NPHP4: variants seen among roughly 807,000 people sequenced by gnomAD.
The protein encoded by NPHP4 is nephrocystin 4, also known as nephrocystin-4.
A neutral mutation model predicts 155.8 loss-of-function variants in NPHP4; 151 were observed. That is an observed-to-expected ratio of 0.97 (90% CI 0.85 to 1.11). NPHP4 has a LOEUF of 1.11. Ranked by LOEUF, NPHP4 falls within the 50% of genes least tolerant of loss-of-function variation. The probability of loss-of-function intolerance (pLI) is 0.00; values close to 1 mark genes in which losing one functional copy is unlikely to be tolerated. For missense variants in NPHP4, 1,956 were observed against 1,925.7 expected (o/e 1.02, Z -0.29); for synonymous variants, 845 against 816.8 (o/e 1.03, Z -0.59).
In NPHP4 at chr1:5,890,799, G is replaced by T; in HGVS notation, c.2304+69C>A. On this transcript the variant is annotated intron_variant, in intron 17 of 29. Coordinates refer to ENST00000378156, the MANE Select transcript of NPHP4 (RefSeq NM_015102.5). This position sits in a 1 kb window ranked among gnomAD's most constrained non-coding sequence, Gnocchi z 4.9. ...GCCCGCTCCTTCCAAGCAGACAGAC[G>T]CTGGAAGCGTGACTCGTCCCATGAG... The T allele has an allele frequency of 2.0e-6, 3 of 1,485,306 alleles. No homozygotes were observed. Among genetic ancestry groups the T allele is most frequent in the Non-Finnish European group, 2.8e-6 (3 of 1,083,142 alleles). 92.0% of individuals were successfully genotyped at this position (1,485,306 alleles called of 1,614,324 possible).
intron 5 of NPHP4, among the ~76,000 whole-genome samples, chr1:5,964,206 G>A (rs554948689): frequency 6.6e-6 from 1 of 152,242 alleles, no homozygotes; most frequent in East Asian, 1.9e-4. Flanking sequence ...CTGGACAAGC[G>A]CATTAGCTTC....
At chr1:5,939,900 C>T (rs1302637519) in intron 9 of NPHP4, among the ~76,000 whole-genome samples, 5 of 152,118 alleles carry the variant, frequency 3.3e-5, no homozygotes, top group Admixed American at 3.3e-4. Flanking sequence ...AGTTGACAGT[C>T]ACACCCCCAC....
At position 5,873,394 on chromosome 1, in the gene NPHP4, C is replaced by T. The variant is rs527295909; in HGVS notation, c.3232-59G>A. On this transcript the variant is annotated intron_variant, in intron 22 of 29. Coordinates refer to ENST00000378156, the MANE Select transcript of NPHP4 (RefSeq NM_015102.5). ...AGCAACACCATTAGGCGACCAGCACCTGTGCTTAGAGACACCACTGCCACC... is the reference window on the plus strand; with the variant it reads ...AGCAACACCATTAGGCGACCAGCACTTGTGCTTAGAGACACCACTGCCACC... The T allele has an allele frequency of 3.5e-6, 5 of 1,409,094 alleles. No individual in the cohort carries two copies. In the South Asian group the frequency reaches 5.8e-5, roughly 16 times the overall value. 87.3% of individuals were successfully genotyped at this position (1,409,094 alleles called of 1,614,324 possible).
Position 5,887,377 on chromosome 1 carries a change from C to T in NPHP4, c.2394G>A (p.Val798=), listed in dbSNP as rs1194473182. 1 of 1,613,468 alleles carries T rather than the reference C, an allele frequency of 6.2e-7. No individual in the cohort carries two copies. Among genetic ancestry groups the T allele is most frequent in the African/African-American group, 1.3e-5 (1 of 74,948 alleles). The part of the protein sequence containing the change: ...ATEYEQDNMV[V]SGDMLGFGRV... ...GGCCAAACCCCAGCATGTCTCCACT[C>T]ACCACCATGTTGTCCTGCTCGTATT... Residue 798 remains valine, a synonymous_variant, in exon 18 of 30, where the codon GTG becomes GTA. Transcript: ENST00000378156.
intron 3 of NPHP4, among the ~76,000 whole-genome samples, chr1:5,972,813 G>T (rs2102298688): frequency 6.6e-6 from 1 of 152,168 alleles, no homozygotes; most frequent in African/African-American, 2.4e-5. Context: ...CTTTAGTGGT[G>T]ATCTGTGAGA....
intron 5 of NPHP4, among the ~76,000 whole-genome samples, chr1:5,963,255 C>T (rs577780435): frequency 6.6e-6 from 1 of 152,062 alleles, no homozygotes; most frequent in Admixed American, 6.5e-5. Context: ...ATTACCCAGG[C>T]GTGGTGGTGC....
rs1418362362 is a variant in NPHP4, at chr1:5,952,962, C to T, written c.674-126G>A. On this transcript the variant is annotated intron_variant, in intron 6 of 29. Transcript: ENST00000378156. ...AGCAACGAAGGGTGCTCGGGACTCC[C>T]AGACAGAGCACAAGGCCCAAGCCAA... The T allele has an allele frequency of 2.6e-5, 20 of 778,004 alleles. No homozygotes were observed. The Admixed American group carries it at 6.0e-4, about 23-fold the overall frequency. The allele number at this position is 778,004 out of a possible 1,614,324, so 48.2% of individuals were successfully genotyped here. A position where few individuals can be genotyped will look rare whatever the true frequency, so the allele number is the denominator to read the frequency against.
intron 5 of NPHP4, among the ~76,000 whole-genome samples, chr1:5,962,576 G>T (rs1650538042): frequency 6.6e-6 from 1 of 152,246 alleles, no homozygotes; most frequent in African/African-American, 2.4e-5. Flanking sequence ...AGGGAGGCCA[G>T]CAGCATCAGA....
intron 2 of NPHP4, among the ~76,000 whole-genome samples, chr1:5,983,656 T>A (rs528517633): frequency 1.6e-4 from 24 of 152,206 alleles, no homozygotes; most frequent in Non-Finnish European, 3.4e-4. Flanking sequence ...GACTACATGC[T>A]GAGTCATGTG....
chr1:5,946,741 A>G (rs1275718221), intron 9 of NPHP4, among the ~76,000 whole-genome samples: 1 of 152,356 alleles, frequency 6.6e-6, no homozygotes, highest in East Asian at 1.9e-4. Flanking sequence ...TGAAGGTTAC[A>G]TTGATCATCA....
At chr1:5,988,642 T>C (rs1040827066) in intron 1 of NPHP4, among the ~76,000 whole-genome samples, 1 of 152,276 alleles carries the variant, frequency 6.6e-6, no homozygotes, top group African/African-American at 2.4e-5. Flanking sequence ...TAAAGGGATC[T>C]GAGACCAAAA....
chr1:5,974,402 C>A (rs1034565482), intron 3 of NPHP4, among the ~76,000 whole-genome samples: 3 of 152,218 alleles, frequency 2.0e-5, no homozygotes, highest in Admixed American at 2.0e-4. Flanking sequence ...AGTCACACTA[C>A]ACCGGCCACA....
chr1:5,904,837 T>C lies in NPHP4; in HGVS notation c.1956-33A>G, dbSNP rs1644837998. On this transcript the variant is annotated intron_variant, in intron 15 of 29. Transcript: ENST00000378156. ...CAACAACAGCTCTGGGTTAACTGAG[T>C]ATCCATGGCACAGAACCTGAGGGGT... 15 of 1,604,920 alleles carry C rather than the reference T, an allele frequency of 9.3e-6. No homozygotes were observed. In the East Asian group the frequency reaches 3.3e-4, roughly 36 times the overall value.
intron 18 of NPHP4, 172 bp downstream of exon 18, chr1:5,887,114 G>T: frequency 3.1e-6 from 2 of 637,820 alleles, no homozygotes; most frequent in Non-Finnish European, 5.5e-6. Flanking sequence ...CTGGGTCCAG[G>T]ACAGACTCAG....
chr1:5,909,264 G>C (rs1645063086), intron 11 of NPHP4, 51 bp from the exon 12 acceptor site: 7 of 1,452,630 alleles, frequency 4.8e-6, no homozygotes. Flanking sequence ...GCCTGTGTTG[G>C]GGGCAGTGGG....
intron 19 of NPHP4, among the ~76,000 whole-genome samples, chr1:5,878,342 G>T (rs1642837710): frequency 6.6e-6 from 1 of 152,232 alleles, no homozygotes; most frequent in African/African-American, 2.4e-5. Context: ...CTCTGCAGAT[G>T]CCCCGCGTGG....
intron 4 of NPHP4, 43 bp from the exon 5 acceptor site, chr1:5,967,406 A>G (rs1380133195): frequency 2.7e-5 from 40 of 1,505,406 alleles, no homozygotes; most frequent in Non-Finnish European, 3.6e-5. Flanking sequence ...CCACGTGCGC[A>G]CTTCTCAGAA....
At chr1:5,986,964 G>A (rs574598306) in intron 1 of NPHP4, among the ~76,000 whole-genome samples, 2 of 152,130 alleles carry the variant, frequency 1.3e-5, no homozygotes, top group South Asian at 4.2e-4. Flanking sequence ...ACAGCCCTTG[G>A]GCCAAGAGGT....
chr1:5,921,922 G>C (rs1432780317), intron 11 of NPHP4, among the ~76,000 whole-genome samples: 1 of 152,230 alleles, frequency 6.6e-6, no homozygotes, highest in Non-Finnish European at 1.5e-5. Context: ...CGGAGTAACT[G>C]CTGCCACCCC....
Sources: allele counts gnomAD v4.1 joint callset (sites outside exome capture counted in the v4.1 genomes callset), GRCh38; gene constraint gnomAD v4.1.1; non-coding constraint Gnocchi (gnomAD v3.1); transcripts MANE v1.5; gene names NCBI Gene and HGNC (gene_info 2026-07-23, HGNC 2026-07-21).